ROR2: variants seen among roughly 807,000 people sequenced by gnomAD.
ROR2 encodes tyrosine-protein kinase transmembrane receptor ROR2.
Under a neutral mutation model 74.9 loss-of-function variants are expected in ROR2, and 33 were observed. That is an observed-to-expected ratio of 0.44 (90% CI 0.33 to 0.59). ROR2 has a LOEUF of 0.59. ROR2 is among the 20% of genes least tolerant of loss of function. The probability of loss-of-function intolerance (pLI) is 0.02; values close to 1 mark genes in which losing one functional copy is unlikely to be tolerated. For missense variants in ROR2, 1,216 were observed against 1,313.8 expected (o/e 0.93, Z 1.15); for synonymous variants, 586 against 558.7 (o/e 1.05, Z -0.69).
chr9:91,789,336 A>G (rs538852728), intron 1 of ROR2, among the ~76,000 whole-genome samples: 15 of 152,362 alleles, frequency 9.8e-5, no homozygotes, highest in African/African-American at 3.6e-4. Flanking sequence ...AAATAAAAGA[A>G]CACTGGATAG....
At chr9:91,831,196 G>C (rs950218212) in intron 1 of ROR2, among the ~76,000 whole-genome samples, 1 of 151,854 alleles carries the variant, frequency 6.6e-6, no homozygotes, top group Non-Finnish European at 1.5e-5. Context: ...GGGAGGCGGA[G>C]GCTGTGGTGA....
chr9:91,754,717 T>C (rs1253259124), intron 4 of ROR2, among the ~76,000 whole-genome samples: 1 of 152,214 alleles, frequency 6.6e-6, no homozygotes, highest in Non-Finnish European at 1.5e-5. Context: ...ATAGTTCAAC[T>C]TTTGAAATGA....
rs564114934 is a variant in ROR2 at position 91,743,338 on chromosome 9, G to T, written c.495-5820C>A. Among the ~76,000 whole-genome samples the T allele has an allele frequency of 2.6e-5, 4 of 152,254 alleles. No homozygotes were observed. The South Asian group carries it at 8.3e-4, about 32-fold the overall frequency. On this transcript the variant is annotated intron_variant, in intron 4 of 8. Coordinates refer to ENST00000375708, the MANE Select transcript of ROR2 (RefSeq NM_004560.4). ...TGTAATCCCAGCATTTTGGGAGGCCGAGGCAGGTGAATCACTTGAGGTCAG... is the reference window on the plus strand; with the variant it reads ...TGTAATCCCAGCATTTTGGGAGGCCTAGGCAGGTGAATCACTTGAGGTCAG...
At chr9:91,946,627 A>G (rs1832020604) in intron 1 of ROR2, among the ~76,000 whole-genome samples, 1 of 152,260 alleles carries the variant, frequency 6.6e-6, no homozygotes, top group Admixed American at 6.5e-5. Context: ...CCTGACTACA[A>G]TGTGGAATTA....
intron 1 of ROR2, among the ~76,000 whole-genome samples, chr9:91,941,020 T>TG (rs1831844206): frequency 2.9e-5 from 4 of 138,758 alleles, no homozygotes; most frequent in South Asian, 2.3e-4. Flanking sequence ...TTTTTTGAGA[T>TG]GGAGTCTCGC....
chr9:91,731,227 T>C (rs1837234200), intron 6 of ROR2, 72 bp from the exon 7 acceptor site: 1 of 1,600,888 alleles, frequency 6.2e-7, no homozygotes, highest in South Asian at 1.1e-5. Flanking sequence ...ATGCCCAAAC[T>C]AGAATTTCCA....
chr9:91,868,216 A>C (rs1185042925), intron 1 of ROR2, among the ~76,000 whole-genome samples: 3 of 152,216 alleles, frequency 2.0e-5, no homozygotes, highest in Non-Finnish European at 1.5e-5. Context: ...AGGAAAACAT[A>C]TAATAACTAG....
intron 1 of ROR2, among the ~76,000 whole-genome samples, chr9:91,924,289 C>T (rs539573774): frequency 1.3e-4 from 20 of 152,372 alleles, no homozygotes; most frequent in African/African-American, 4.8e-4. Context: ...CCGGCCATCC[C>T]TCCTAGTCCC....
chr9:91,858,810 G>A (rs958246313), intron 1 of ROR2, among the ~76,000 whole-genome samples: 1 of 152,250 alleles, frequency 6.6e-6, no homozygotes, highest in Middle Eastern at 3.4e-3. Flanking sequence ...ACAAGGACCC[G>A]TGAGGCCAGT....
intron 1 of ROR2, among the ~76,000 whole-genome samples, chr9:91,883,982 C>T (rs1249336893): frequency 6.6e-6 from 1 of 152,120 alleles, no homozygotes; most frequent in African/African-American, 2.4e-5. Context: ...GCCATTGAGA[C>T]AAGTACACAA....
At chr9:91,938,647 T>G (rs1831766599) in intron 1 of ROR2, among the ~76,000 whole-genome samples, 1 of 152,144 alleles carries the variant, frequency 6.6e-6, no homozygotes, top group Admixed American at 6.5e-5. Flanking sequence ...GATCTTATTC[T>G]AGAGATTGGT....
chr9:91,768,206 C>G (rs769433016), intron 2 of ROR2, among the ~76,000 whole-genome samples: 7 of 152,202 alleles, frequency 4.6e-5, no homozygotes, highest in African/African-American at 9.6e-5. Flanking sequence ...TTTCAGACTT[C>G]CGGTCTCCAG....
At chr9:91,740,558 G>A (rs1019621328) in intron 4 of ROR2, among the ~76,000 whole-genome samples, 1 of 146,294 alleles carries the variant, frequency 6.8e-6, no homozygotes, top group Non-Finnish European at 1.5e-5. Context: ...TTTCGGGCGG[G>A]GGGGGGAATA....
chr9:91,930,464 A>G (rs1256691415), intron 1 of ROR2, among the ~76,000 whole-genome samples: 4 of 152,242 alleles, frequency 2.6e-5, no homozygotes, highest in Non-Finnish European at 5.9e-5. Flanking sequence ...TGCATTAGGG[A>G]TAAAAACCCC....
At chr9:91,761,923 T>C (rs1011996948) in intron 2 of ROR2, among the ~76,000 whole-genome samples, 1 of 152,200 alleles carries the variant, frequency 6.6e-6, no homozygotes, top group African/African-American at 2.4e-5. Context: ...CCCTGCTATA[T>C]AAAGCCCTCA....
At chr9:91,874,324 C>T (rs760032382) in intron 1 of ROR2, among the ~76,000 whole-genome samples, 1 of 152,236 alleles carries the variant, frequency 6.6e-6, no homozygotes, top group African/African-American at 2.4e-5. Context: ...GAAAGTGGCA[C>T]ACGTGTCCCA....
chr9:91,949,767 G>T, intron 1 of ROR2, 100 bp downstream of exon 1: 2 of 792,386 alleles, frequency 2.5e-6, no homozygotes, highest in Non-Finnish European at 4.3e-6. Flanking sequence ...TCAGGAGCAT[G>T]GGCGCCGGCG....
chr9:91,847,080 A>G lies in ROR2; in HGVS notation c.98-71262T>C, dbSNP rs7032447. On this transcript the variant is annotated intron_variant, in intron 1 of 8. Transcript: ENST00000375708. Reference sequence around the variant, plus strand: ...AAATGGCATGGATTGGGCCGGGGGGAAATGGGGGAAGATGGAGGATGACTA... The same window carrying G: ...AAATGGCATGGATTGGGCCGGGGGGGAATGGGGGAAGATGGAGGATGACTA... Among the ~76,000 whole-genome samples the G allele has an allele frequency of 8.9e-4, 135 of 151,968 alleles. 1 individual carries two copies. Among genetic ancestry groups the G allele is most frequent in the African/African-American group, 3.0e-3 (126 of 41,454 alleles).
intron 1 of ROR2, among the ~76,000 whole-genome samples, chr9:91,920,210 A>C (rs1831229118): frequency 6.6e-6 from 1 of 152,244 alleles, no homozygotes; most frequent in African/African-American, 2.4e-5. Context: ...ACTTGTGCTT[A>C]AGAATAAACA....
Sources: gnomAD v4.1 joint callset for allele counts (sites outside exome capture counted in the v4.1 genomes callset) on GRCh38, gnomAD v4.1.1 for gene constraint, MANE v1.5 for transcripts, NCBI Gene and HGNC (gene_info 2026-07-23, HGNC 2026-07-21) for gene names.